Variants in SGCZ observed in about 807,000 individuals in gnomAD.
The protein encoded by SGCZ is sarcoglycan zeta, also known as zeta-sarcoglycan.
In SGCZ, 40 loss-of-function variants were observed where a neutral mutation model predicts 41.3. That is an observed-to-expected ratio of 0.97 (90% CI 0.75 to 1.26). The LOEUF is 1.26. Ranked by LOEUF, SGCZ falls within the 50% of genes most tolerant of loss-of-function variation. The probability of loss-of-function intolerance (pLI) is 0.00; values close to 1 mark genes in which losing one functional copy is unlikely to be tolerated. For synonymous variants in SGCZ, 206 were observed against 137.5 expected, an observed-to-expected ratio of 1.50 and a Z score of -3.49; for missense variants, 552 against 369.8, an observed-to-expected ratio of 1.49 and a Z score of -4.04.
At chr8:14,310,274 T>C (rs547952323) in intron 3 of SGCZ, among the ~76,000 whole-genome samples, 121 of 152,244 alleles carry the variant, frequency 7.9e-4, no homozygotes, top group African/African-American at 2.2e-3. Context: ...TCATGTAACA[T>C]TGGTGAAGGA....
intron 1 of SGCZ, among the ~76,000 whole-genome samples, chr8:15,184,455 A>C (rs950888131): frequency 1.3e-5 from 2 of 152,146 alleles, no homozygotes; most frequent in Admixed American, 6.5e-5. Flanking sequence ...AAATCTGAGA[A>C]GTTGTATCGG....
At chr8:14,151,917 C>A (rs1474608855) in intron 5 of SGCZ, among the ~76,000 whole-genome samples, 1 of 146,232 alleles carries the variant, frequency 6.8e-6, no homozygotes, top group Middle Eastern at 3.3e-3. Context: ...TTAAAACTCA[C>A]ATTTTGTACA....
intron 1 of SGCZ, among the ~76,000 whole-genome samples, chr8:15,126,465 G>A (rs982592657): frequency 2.0e-5 from 3 of 152,080 alleles, no homozygotes; most frequent in Non-Finnish European, 2.9e-5. Flanking sequence ...GCAAAAACAC[G>A]GGGAATACAA....
At chr8:14,255,183 T>A (rs190361445) in intron 3 of SGCZ, among the ~76,000 whole-genome samples, 1 of 152,274 alleles carries the variant, frequency 6.6e-6, no homozygotes, top group Non-Finnish European at 1.5e-5. Context: ...GAAGATTTCC[T>A]CTTTTGGTTC....
At chr8:14,177,948 C>CT (rs1804599101) in intron 4 of SGCZ, among the ~76,000 whole-genome samples, 4 of 87,996 alleles carry the variant, frequency 4.5e-5, no homozygotes, top group African/African-American at 9.1e-5. Flanking sequence ...TCCTTCTTTT[C>CT]TTTTTTTTTC....
intron 1 of SGCZ, among the ~76,000 whole-genome samples, chr8:15,075,406 G>T (rs1442911506): frequency 6.6e-6 from 1 of 152,116 alleles, no homozygotes; most frequent in Admixed American, 6.6e-5. Flanking sequence ...TTAAAAGCAT[G>T]CTGAACTTTA....
intron 1 of SGCZ, among the ~76,000 whole-genome samples, chr8:15,111,488 G>A (rs990027261): frequency 6.6e-6 from 1 of 152,150 alleles, no homozygotes; most frequent in African/African-American, 2.4e-5. Flanking sequence ...CACATTTAGG[G>A]GGTAGCCAAT....
At chr8:14,325,504 CATA>C (rs947782487) in intron 2 of SGCZ, among the ~76,000 whole-genome samples, 4 of 146,168 alleles carry the variant, frequency 2.7e-5, no homozygotes. Flanking sequence ...TATATATAAT[CATA>C]ATCATATATA....
intron 1 of SGCZ, among the ~76,000 whole-genome samples, chr8:14,769,030 C>T (rs532195876): frequency 1.3e-4 from 19 of 151,926 alleles, no homozygotes; most frequent in South Asian, 2.1e-4. Flanking sequence ...CTCTGATACA[C>T]ACACACACAC....
chr8:14,292,906 T>C (rs114870682), intron 3 of SGCZ, among the ~76,000 whole-genome samples: 5,307 of 152,106 alleles, frequency 0.035, 305 homozygotes, highest in African/African-American at 0.12. Context: ...TTTCTAGCAG[T>C]AATACACAAA....
chr8:14,093,940 G>A (rs186353887), intron 7 of SGCZ, among the ~76,000 whole-genome samples: 73 of 151,980 alleles, frequency 4.8e-4, no homozygotes, highest in Middle Eastern at 6.8e-3. Flanking sequence ...AGATCCATGA[G>A]GATAGGGCCT....
At chr8:15,099,855 T>A (rs1365382504) in intron 1 of SGCZ, among the ~76,000 whole-genome samples, 3 of 152,036 alleles carry the variant, frequency 2.0e-5, no homozygotes, top group Non-Finnish European at 2.9e-5. Flanking sequence ...AAAAATTACA[T>A]GATCATATCA....
At chr8:14,109,244 T>G (rs1802302458) in intron 5 of SGCZ, among the ~76,000 whole-genome samples, 1 of 152,170 alleles carries the variant, frequency 6.6e-6, no homozygotes, top group Admixed American at 6.6e-5. Flanking sequence ...TCTCAGGAGG[T>G]TGAAGGATAC....
At chr8:15,221,394 C>T (rs554944961) in intron 1 of SGCZ, among the ~76,000 whole-genome samples, 2 of 152,088 alleles carry the variant, frequency 1.3e-5, no homozygotes, top group Non-Finnish European at 2.9e-5. Flanking sequence ...GAACAGAACT[C>T]TTTCTCTCAT....
chr8:15,048,292 G>T (rs1205828084), intron 1 of SGCZ, among the ~76,000 whole-genome samples: 1 of 151,894 alleles, frequency 6.6e-6, no homozygotes, highest in African/African-American at 2.4e-5. Flanking sequence ...TCCCATGAAG[G>T]TACAAAGTAG....
intron 1 of SGCZ, among the ~76,000 whole-genome samples, chr8:14,881,458 C>A (rs552929503): frequency 6.6e-6 from 1 of 152,086 alleles, no homozygotes; most frequent in Non-Finnish European, 1.5e-5. Context: ...GGATATCTCA[C>A]GGCAGGGAGT....
At chr8:14,546,284 G>A (rs192922044) in intron 2 of SGCZ, among the ~76,000 whole-genome samples, 50 of 152,248 alleles carry the variant, frequency 3.3e-4, no homozygotes, top group Admixed American at 4.6e-4. Flanking sequence ...CATGATGTGC[G>A]TGCTGAGGAA....
At chr8:14,291,097 C>T (rs181066375) in intron 3 of SGCZ, among the ~76,000 whole-genome samples, 63 of 152,134 alleles carry the variant, frequency 4.1e-4, no homozygotes, top group African/African-American at 1.4e-3. Flanking sequence ...AGATATCACT[C>T]ATGTGTGGAA....
Position 14,717,208 on chromosome 8 carries a change from T to C in SGCZ, c.40-162282A>G, listed in dbSNP as rs1024787825. Among the ~76,000 whole-genome samples, 155 of 152,174 alleles carry C rather than the reference T, an allele frequency of 1.0e-3. 2 individuals are homozygous for C. The highest frequency in any genetic ancestry group is 3.6e-3 in the African/African-American group (149 of 41,550). On this transcript the variant is annotated intron_variant, in intron 1 of 7. Coordinates refer to ENST00000382080, the MANE Select transcript of SGCZ (RefSeq NM_139167.4). Reference sequence around the variant, plus strand: ...AAATAACAAAGCTTAGTATGAAACATTCAATACCATCAATAATTATTTTAT... The same window carrying C: ...AAATAACAAAGCTTAGTATGAAACACTCAATACCATCAATAATTATTTTAT...
Sources: allele counts gnomAD v4.1 joint callset (sites outside exome capture counted in the v4.1 genomes callset), GRCh38; gene constraint gnomAD v4.1.1; transcripts MANE v1.5; gene names NCBI Gene and HGNC (gene_info 2026-07-23, HGNC 2026-07-21).